The following UST variants were observed in gnomAD, a reference collection of about 807,000 sequenced individuals.
UST encodes the protein chondroitin sulfate 2-O-sulfotransferase.
A neutral mutation model predicts 45.6 loss-of-function variants in UST; 21 were observed. The ratio of observed to expected loss-of-function variants is 0.46; its 90% confidence interval spans 0.33 to 0.66. UST has a LOEUF of 0.66. Among genes scored for constraint, UST ranks in the 30% least tolerant of loss-of-function variants. The pLI is 0.02. For synonymous variants in UST, 215 were observed against 200.6 expected, an observed-to-expected ratio of 1.07 and a Z score of -0.61; for missense variants, 463 against 512.4, an observed-to-expected ratio of 0.90 and a Z score of 0.93.
chr6:148,790,725 G>A lies in UST; in HGVS notation c.247+43048G>A, dbSNP rs139760518. 1.5e-3 allele frequency among the ~76,000 whole-genome samples: 227 copies of A among 152,308 alleles called. No individual in the cohort carries two copies. Among genetic ancestry groups the A allele is most frequent in the Non-Finnish European group, 2.7e-3 (181 of 68,030 alleles). ...CCCAAGGTTATGCCTCTCCTCTCGG[G>A]GCATCCCACATCCAATGCCTGGTTG... is the stretch of plus-strand genomic sequence containing the variant. On this transcript the variant is annotated intron_variant, in intron 1 of 7. Coordinates refer to ENST00000367463, the MANE Select transcript of UST (RefSeq NM_005715.3). This position sits in a 1 kb window ranked among gnomAD's most constrained non-coding sequence, Gnocchi z 4.2.
rs1778452888 is a variant in UST, at chr6:148,867,161, A to G, written c.248-19825A>G. ...CACATTTGCCTGCTAGTCACAGTAG[A>G]GAAAAATCTGTGAAACCTTTGTCAT... is the stretch of plus-strand genomic sequence containing the variant. On this transcript the variant is annotated intron_variant, in intron 1 of 7. Transcript: ENST00000367463. 1.3e-5 allele frequency among the ~76,000 whole-genome samples: 2 copies of G among 152,294 alleles called. 1 individual carries two copies. The highest frequency in any genetic ancestry group is 3.9e-4 in the East Asian group (2 of 5,180).
At chr6:148,984,242 G>A (rs1781195584) in intron 5 of UST, among the ~76,000 whole-genome samples, 4 of 152,176 alleles carry the variant, frequency 2.6e-5, no homozygotes, top group African/African-American at 9.7e-5. Flanking sequence ...CACAGATGTG[G>A]TTCTAGCCCT....
chr6:149,031,205 CAA>C (rs746394188), intron 7 of UST, among the ~76,000 whole-genome samples: 5 of 51,164 alleles, frequency 9.8e-5, no homozygotes, highest in Admixed American at 1.7e-4. Context: ...AGACTCATCT[CAA>C]AAAAAAAAAA....
Position 148,934,179 on chromosome 6 carries a change from G to A in UST, c.292-7100G>A, listed in dbSNP as rs898125623. ...AAGGGTGTGAAGTGACTGGCTTCTA[G>A]CACCACAGTGTCCTAGGAACTTTAA... On this transcript the variant is annotated intron_variant, in intron 2 of 7. Transcript: ENST00000367463. The surrounding 1 kb of genome is among the most constrained non-coding windows in gnomAD (Gnocchi z 4.1). Among the ~76,000 whole-genome samples the A allele has an allele frequency of 1.3e-5, 2 of 152,132 alleles. No individual in the cohort carries two copies. Among genetic ancestry groups the A allele is most frequent in the Non-Finnish European group, 2.9e-5 (2 of 68,010 alleles).
At position 149,050,743 on chromosome 6, in the gene UST, A is replaced by C. The variant is rs77436190; in HGVS notation, c.938-23090A>C. Among the ~76,000 whole-genome samples, 975 of 152,334 alleles carry C rather than the reference A, an allele frequency of 6.4e-3. 2 individuals are homozygous for C. Among genetic ancestry groups the C allele is most frequent in the Non-Finnish European group, 0.01 (703 of 68,024 alleles). On this transcript the variant is annotated intron_variant, in intron 7 of 7. Coordinates refer to ENST00000367463, the MANE Select transcript of UST (RefSeq NM_005715.3). ...AACCATCATGCCCCTGGTAAATATAAATTGATTCTGAGTTTTTAGAAAATA... is the reference window on the plus strand; with the variant it reads ...AACCATCATGCCCCTGGTAAATATACATTGATTCTGAGTTTTTAGAAAATA...
intron 7 of UST, chr6:149,032,704 G>C (rs1348471467): frequency 6.6e-6 from 1 of 152,422 alleles, no homozygotes; most frequent in Non-Finnish European, 1.5e-5. Context: ...ATCTCTTCTG[G>C]GTCCCAACCT....
intron 2 of UST, among the ~76,000 whole-genome samples, chr6:148,897,623 C>T (rs547506790): frequency 6.6e-6 from 1 of 151,978 alleles, no homozygotes; most frequent in South Asian, 2.1e-4. Flanking sequence ...TCCCAAGTAG[C>T]TAGGATTACA....
intron 1 of UST, among the ~76,000 whole-genome samples, chr6:148,862,224 T>C (rs988491260): frequency 2.8e-4 from 42 of 152,226 alleles, no homozygotes; most frequent in Non-Finnish European, 1.2e-4. Flanking sequence ...GCTCTTCTTG[T>C]TGAATTGATC....
intron 1 of UST, among the ~76,000 whole-genome samples, chr6:148,833,113 G>A (rs2114761595): frequency 6.6e-6 from 1 of 152,260 alleles, no homozygotes; most frequent in South Asian, 2.1e-4. Flanking sequence ...GCTTCATTTA[G>A]GACTATGAAG....
At chr6:148,996,988 A>G (rs886937312) in intron 5 of UST, among the ~76,000 whole-genome samples, 8 of 152,202 alleles carry the variant, frequency 5.3e-5, no homozygotes, top group African/African-American at 1.7e-4. Flanking sequence ...GGTGTATTGC[A>G]TGTGTTTGAG....
intron 1 of UST, among the ~76,000 whole-genome samples, chr6:148,842,621 C>T (rs762337509): frequency 5.9e-5 from 9 of 152,174 alleles, no homozygotes; most frequent in Non-Finnish European, 1.0e-4. Context: ...ACATCCCTCC[C>T]TCTGTGGTTA....
chr6:149,042,902 G>A (rs1776335059), intron 7 of UST, among the ~76,000 whole-genome samples: 2 of 151,974 alleles, frequency 1.3e-5, no homozygotes, highest in Non-Finnish European at 2.9e-5. Context: ...TTATAGACAT[G>A]AGCCACCACA....
intron 5 of UST, among the ~76,000 whole-genome samples, chr6:149,000,881 C>T (rs1455227528): frequency 6.6e-6 from 1 of 151,814 alleles, no homozygotes; most frequent in African/African-American, 2.4e-5. Flanking sequence ...AGAAAATAGT[C>T]AAGAGGAATT....
Position 149,076,314 on chromosome 6 carries a change from C to A in UST, c.*2198C>A. On this transcript the variant is annotated 3_prime_UTR_variant, in exon 8 of 8. Transcript: ENST00000367463. The stretch of plus-strand genomic sequence containing the variant: ...TAAAGAATGATGATAAGTTTACACA[C>A]TGTGCAATCTCACAATCTGAAAATA... 6.6e-6 allele frequency: 1 copy of A among 152,310 alleles called. No individual in the cohort carries two copies. Among genetic ancestry groups the A allele is most frequent in the Non-Finnish European group, 1.5e-5 (1 of 68,022 alleles). The allele number at this position is 152,310 out of a possible 1,614,324, so 9.4% of individuals were successfully genotyped here.
intron 1 of UST, among the ~76,000 whole-genome samples, chr6:148,828,884 C>T (rs564580574): frequency 3.3e-5 from 5 of 152,196 alleles, no homozygotes; most frequent in South Asian, 4.2e-4. Flanking sequence ...TAGTACATTG[C>T]GGTTAACTTT....
intron 1 of UST, among the ~76,000 whole-genome samples, chr6:148,837,652 A>G (rs1777811155): frequency 3.3e-5 from 5 of 152,196 alleles, no homozygotes; most frequent in Admixed American, 3.3e-4. Flanking sequence ...TCTGGGTTCT[A>G]AGGTACAGCA....
At chr6:148,847,433 G>A (rs921510781) in intron 1 of UST, among the ~76,000 whole-genome samples, 1 of 152,222 alleles carries the variant, frequency 6.6e-6, no homozygotes. Flanking sequence ...GTTCCTTGCT[G>A]TTATAAATTT....
At chr6:148,885,340 G>C (rs1373891120) in intron 1 of UST, among the ~76,000 whole-genome samples, 1 of 152,108 alleles carries the variant, frequency 6.6e-6, no homozygotes, top group Non-Finnish European at 1.5e-5. Context: ...CTGCACGGTG[G>C]TAGAATATTT....
At chr6:148,877,593 G>A (rs1778703087) in intron 1 of UST, among the ~76,000 whole-genome samples, 3 of 136,992 alleles carry the variant, frequency 2.2e-5, no homozygotes, top group African/African-American at 5.5e-5. Context: ...AGTGCGAGGG[G>A]TCGTGTATGA....
Sources: gnomAD v4.1 joint callset for allele counts (sites outside exome capture counted in the v4.1 genomes callset) on GRCh38, gnomAD v4.1.1 for gene constraint, Gnocchi (gnomAD v3.1) non-coding constraint, MANE v1.5 for transcripts, NCBI Gene and HGNC (gene_info 2026-07-23, HGNC 2026-07-21) for gene names.